DPP10: variants seen among roughly 807,000 people sequenced by gnomAD.
DPP10 encodes dipeptidyl peptidase like 10.
DPP10 carries 33 observed loss-of-function variants against 120.9 expected under a neutral mutation model. That is an observed-to-expected ratio of 0.27 (90% CI 0.21 to 0.37). The LOEUF (loss-of-function observed/expected upper bound fraction) is 0.37, where lower values mean the gene tolerates loss of function less well. Among genes scored for constraint, DPP10 ranks in the 10% least tolerant of loss-of-function variants. The pLI is 1.00. For synonymous variants in DPP10, 337 were observed against 326.1 expected (o/e 1.03, Z -0.36); for missense variants, 816 against 942.8 (o/e 0.87, Z 1.76).
intron 5 of DPP10, among the ~76,000 whole-genome samples, chr2:115,689,465 A>G (rs2091187932): frequency 6.6e-6 from 1 of 152,220 alleles, no homozygotes; most frequent in African/African-American, 2.4e-5. Context: ...TCACAATTAT[A>G]CTCAGGATAG....
intron 1 of DPP10, among the ~76,000 whole-genome samples, chr2:115,098,566 C>T (rs775654056): frequency 5.9e-5 from 9 of 151,896 alleles, no homozygotes; most frequent in Admixed American, 1.3e-4. Context: ...ATTTGTGAAT[C>T]TAAACATTAA....
chr2:114,469,394 C>G (rs142457235), intron 1 of DPP10, among the ~76,000 whole-genome samples: 1 of 152,092 alleles, frequency 6.6e-6, no homozygotes, highest in African/African-American at 2.4e-5. Context: ...TCTTGTTTAA[C>G]CTTCAGCCAG....
At chr2:115,289,399 G>T (rs2060548463) in intron 1 of DPP10, among the ~76,000 whole-genome samples, 1 of 145,964 alleles carries the variant, frequency 6.9e-6, no homozygotes, top group Non-Finnish European at 1.5e-5. Context: ...ATCTACTTTG[G>T]ACAAAGATTC....
In DPP10 at chr2:114,835,206, T is replaced by C. The variant is rs1033530891; in HGVS notation, c.60+392368T>C. ...TATATAGGACATATCTACATACCTA[T>C]GTATATATAGGACATATCTACACAC... On this transcript the variant is annotated intron_variant, in intron 1 of 25. Transcript: ENST00000410059. The C allele has an allele frequency of 2.6e-5, 4 of 151,786 alleles. 1 individual carries two copies. The highest frequency in any genetic ancestry group is 9.7e-5 in the African/African-American group (4 of 41,246). 9.4% of individuals were successfully genotyped at this position (151,786 alleles called of 1,614,324 possible).
chr2:115,636,467 A>G (rs1252917854), intron 5 of DPP10, among the ~76,000 whole-genome samples: 1 of 152,152 alleles, frequency 6.6e-6, no homozygotes, highest in African/African-American at 2.4e-5. Flanking sequence ...TTGTGGTTAT[A>G]TATTCTTGGG....
At chr2:115,291,546 C>T (rs2060654304) in intron 1 of DPP10, among the ~76,000 whole-genome samples, 1 of 152,060 alleles carries the variant, frequency 6.6e-6, no homozygotes, top group Non-Finnish European at 1.5e-5. Context: ...TATCACAATA[C>T]ATGTCTTCAG....
chr2:115,205,965 A>C (rs961321372), intron 1 of DPP10, among the ~76,000 whole-genome samples: 3 of 152,116 alleles, frequency 2.0e-5, no homozygotes, highest in African/African-American at 7.2e-5. Context: ...TTGTATCCCA[A>C]CTTCACCATC....
intron 3 of DPP10, among the ~76,000 whole-genome samples, chr2:115,390,606 A>G (rs903691447): frequency 6.6e-6 from 1 of 152,080 alleles, no homozygotes; most frequent in African/African-American, 2.4e-5. Flanking sequence ...TTTCCCTTCA[A>G]TACTCAAGTT....
chr2:115,397,088 A>G (rs1407381758), intron 3 of DPP10, among the ~76,000 whole-genome samples: 3 of 152,346 alleles, frequency 2.0e-5, no homozygotes, highest in African/African-American at 7.2e-5. Context: ...TTTAAGATGA[A>G]GTCACTTTTG....
At position 115,467,643 on chromosome 2, in the gene DPP10, G is replaced by A. The variant is rs148271737; in HGVS notation, c.272-31867G>A. Among the ~76,000 whole-genome samples, 477 of 152,170 alleles carry A rather than the reference G, an allele frequency of 3.1e-3. 2 individuals are homozygous for A. Among genetic ancestry groups the A allele is most frequent in the African/African-American group, 0.011 (455 of 41,518 alleles). On this transcript the variant is annotated intron_variant, in intron 3 of 25. Transcript: ENST00000410059. Reference sequence around the variant, plus strand: ...CTGTGATGCTCACTATTCCTGTGAGGTTGATTTAACTGCTACCTGCACTGC... The same window carrying A: ...CTGTGATGCTCACTATTCCTGTGAGATTGATTTAACTGCTACCTGCACTGC...
At chr2:114,653,572 A>G (rs551629438) in intron 1 of DPP10, among the ~76,000 whole-genome samples, 1 of 152,278 alleles carries the variant, frequency 6.6e-6, no homozygotes, top group Admixed American at 6.5e-5. Context: ...GGCCCTCCTA[A>G]AAGTCATTTT....
chr2:115,013,541 G>A (rs1470387245), intron 1 of DPP10, among the ~76,000 whole-genome samples: 1 of 151,186 alleles, frequency 6.6e-6, no homozygotes, highest in Non-Finnish European at 1.5e-5. Flanking sequence ...ATGTTGGCCT[G>A]TCTTGCTAAG....
At chr2:115,557,499 C>A (rs1333953656) in intron 5 of DPP10, among the ~76,000 whole-genome samples, 5 of 152,152 alleles carry the variant, frequency 3.3e-5, no homozygotes, top group Non-Finnish European at 5.9e-5. Flanking sequence ...TAAAGCACTG[C>A]CTTGTTCAGA....
chr2:114,463,233 T>G lies in DPP10; in HGVS notation c.60+20395T>G, dbSNP rs545744228. On this transcript the variant is annotated intron_variant, in intron 1 of 25. Coordinates refer to ENST00000410059, the MANE Select transcript of DPP10 (RefSeq NM_020868.6). ...AATAGCCATCCATCTGTGTCCATAT[T>G]AAATATTTAAGCATGAGTTCACAAT... is the stretch of plus-strand genomic sequence containing the variant. Among the ~76,000 whole-genome samples the G allele has an allele frequency of 3.0e-3, 460 of 152,250 alleles. 1 individual carries two copies. The highest frequency in any genetic ancestry group is 0.011 in the African/African-American group (448 of 41,550).
intron 3 of DPP10, among the ~76,000 whole-genome samples, chr2:115,485,865 A>G (rs1016018343): frequency 2.6e-5 from 4 of 152,050 alleles, no homozygotes; most frequent in Non-Finnish European, 5.9e-5. Flanking sequence ...TTCAGTTATG[A>G]TATTGCAATT....
chr2:115,471,759 TTTTG>T (rs2074735921), intron 3 of DPP10, among the ~76,000 whole-genome samples: 1 of 121,568 alleles, frequency 8.2e-6, no homozygotes, highest in Non-Finnish European at 1.7e-5. Context: ...ACTAGTCTTT[TTTTG>T]TTTGTCTGTT....
chr2:115,780,869 T>C lies in DPP10; in HGVS notation c.1362-5T>C. 1 of 1,598,638 alleles carries C rather than the reference T, an allele frequency of 6.3e-7. No individual in the cohort carries two copies. Among genetic ancestry groups the C allele is most frequent in the South Asian group, 1.1e-5 (1 of 88,536 alleles). On this transcript the variant is annotated splice_polypyrimidine_tract_variant and splice_region_variant and intron_variant, in intron 15 of 25. Coordinates refer to ENST00000410059, the MANE Select transcript of DPP10 (RefSeq NM_020868.6). Reference sequence around the variant, plus strand: ...TCTATAATAACTTCCTTTTTCTTTCTCCAGTGCTTCTACTGAAGGATTATT... The same window carrying C: ...TCTATAATAACTTCCTTTTTCTTTCCCCAGTGCTTCTACTGAAGGATTATT...
At chr2:114,912,086 C>T (rs1309586317) in intron 1 of DPP10, among the ~76,000 whole-genome samples, 3 of 152,014 alleles carry the variant, frequency 2.0e-5, no homozygotes, top group Non-Finnish European at 2.9e-5. Flanking sequence ...GAGAGATAGT[C>T]CTCCACTGCA....
At chr2:114,810,969 T>C (rs565757425) in intron 1 of DPP10, among the ~76,000 whole-genome samples, 1 of 152,270 alleles carries the variant, frequency 6.6e-6, no homozygotes, top group Admixed American at 6.6e-5. Flanking sequence ...TAAATAATAT[T>C]TTACAGCCAA....
Sources: gnomAD v4.1 joint callset for allele counts (sites outside exome capture counted in the v4.1 genomes callset) on GRCh38, gnomAD v4.1.1 for gene constraint, MANE v1.5 for transcripts, NCBI Gene and HGNC (gene_info 2026-07-23, HGNC 2026-07-21) for gene names.